HCN1: variants seen among roughly 807,000 people sequenced by gnomAD.
The protein encoded by HCN1 is potassium/sodium hyperpolarization-activated cyclic nucleotide-gated channel 1.
In HCN1, 13 loss-of-function variants were observed where a neutral mutation model predicts 78.9. That is an observed-to-expected ratio of 0.16 (90% CI 0.11 to 0.26). The LOEUF (loss-of-function observed/expected upper bound fraction) is 0.26, where lower values mean the gene tolerates loss of function less well. Among genes scored for constraint, HCN1 ranks in the 10% least tolerant of loss-of-function variants. The pLI, the probability that HCN1 is intolerant of heterozygous loss-of-function variation, is 1.00. For missense variants in HCN1, 810 were observed against 1,154.3 expected (o/e 0.70, Z 4.32); for synonymous variants, 552 against 455.5 (o/e 1.21, Z -2.70).
At chr5:45,394,513 T>A (rs558578475) in intron 4 of HCN1, among the ~76,000 whole-genome samples, 1 of 152,352 alleles carries the variant, frequency 6.6e-6, no homozygotes, top group Non-Finnish European at 1.5e-5. Context: ...AAACATATAC[T>A]TTTCATAAAA....
chr5:45,329,620 T>C (rs1746305296), intron 5 of HCN1, among the ~76,000 whole-genome samples: 1 of 151,454 alleles, frequency 6.6e-6, no homozygotes, highest in South Asian at 2.1e-4. Flanking sequence ...GATCATAGAA[T>C]AAATTATTTT....
At chr5:45,507,899 T>C (rs531700738) in intron 2 of HCN1, among the ~76,000 whole-genome samples, 2 of 152,238 alleles carry the variant, frequency 1.3e-5, no homozygotes, top group South Asian at 2.1e-4. Flanking sequence ...ATGATAAAAA[T>C]CATTACCTAT....
intron 2 of HCN1, chr5:45,575,305 C>T (rs1743916343): frequency 6.6e-6 from 1 of 151,918 alleles, no homozygotes; most frequent in South Asian, 2.1e-4. Context: ...TTCTAAGGTC[C>T]TTATTCTCAG....
intron 5 of HCN1, among the ~76,000 whole-genome samples, chr5:45,311,183 A>T (rs1745845656): frequency 6.6e-6 from 1 of 152,222 alleles, no homozygotes; most frequent in Non-Finnish European, 1.5e-5. Context: ...AAGTTAAAAA[A>T]TCTATAATTA....
chr5:45,690,765 T>C (rs1739895347), intron 1 of HCN1, among the ~76,000 whole-genome samples: 2 of 152,066 alleles, frequency 1.3e-5, no homozygotes, highest in Non-Finnish European at 2.9e-5. Flanking sequence ...GTTACTCCTT[T>C]ACACAAAATG....
chr5:45,271,794 C>T (rs993185571), intron 6 of HCN1, among the ~76,000 whole-genome samples: 7 of 151,880 alleles, frequency 4.6e-5, no homozygotes, highest in Non-Finnish European at 1.0e-4. Context: ...TGACATATTC[C>T]CCTACGGAGC....
At chr5:45,549,736 G>A (rs2111851565) in intron 2 of HCN1, among the ~76,000 whole-genome samples, 1 of 151,920 alleles carries the variant, frequency 6.6e-6, no homozygotes, top group South Asian at 2.1e-4. Flanking sequence ...GAAAATTTTT[G>A]CAATCTACTC....
intron 2 of HCN1, among the ~76,000 whole-genome samples, chr5:45,605,568 C>A (rs766987167): frequency 3.3e-5 from 5 of 151,426 alleles, no homozygotes; most frequent in African/African-American, 1.2e-4. Context: ...GTAATGTGGA[C>A]AGCATTATCA....
intron 5 of HCN1, among the ~76,000 whole-genome samples, chr5:45,324,320 C>A (rs1220282017): frequency 6.6e-6 from 1 of 151,870 alleles, no homozygotes; most frequent in Non-Finnish European, 1.5e-5. Flanking sequence ...AAAAAAACAA[C>A]CCCATCAAAA....
intron 2 of HCN1, chr5:45,575,159 A>G (rs1325076188): frequency 6.6e-6 from 1 of 152,176 alleles, no homozygotes; most frequent in Non-Finnish European, 1.5e-5. Context: ...GGAAAATGCC[A>G]TCTAGGAATT....
intron 5 of HCN1, among the ~76,000 whole-genome samples, chr5:45,306,764 T>C (rs896688620): frequency 2.0e-5 from 3 of 152,106 alleles, no homozygotes; most frequent in Non-Finnish European, 4.4e-5. Flanking sequence ...TTCAAATTAC[T>C]TATGGCACTT....
At chr5:45,397,898 T>C (rs1393522969) in intron 3 of HCN1, among the ~76,000 whole-genome samples, 1 of 151,716 alleles carries the variant, frequency 6.6e-6, no homozygotes, top group Non-Finnish European at 1.5e-5. Context: ...AACAACTTTA[T>C]TTTCAATGAT....
intron 3 of HCN1, among the ~76,000 whole-genome samples, chr5:45,457,837 TAA>T (rs1223197081): frequency 6.6e-6 from 1 of 152,082 alleles, no homozygotes; most frequent in Non-Finnish European, 1.5e-5. Flanking sequence ...CCTTCTCCAA[TAA>T]CAATATTAAC....
Position 45,378,999 on chromosome 5 carries a change from A to T in HCN1, c.1230+17493T>A, listed in dbSNP as rs553709218. Among the ~76,000 whole-genome samples, 7 of 152,016 alleles carry T rather than the reference A, an allele frequency of 4.6e-5. No individual in the cohort carries two copies. The South Asian group carries it at 1.5e-3, about 32-fold the overall frequency. Reference sequence around the variant, plus strand: ...GTATTCCATGGTGTATATGTGCCACATTTTCTTAATCCAGTCTATCATTGA... The same window carrying T: ...GTATTCCATGGTGTATATGTGCCACTTTTTCTTAATCCAGTCTATCATTGA... On this transcript the variant is annotated intron_variant, in intron 4 of 7. Coordinates refer to ENST00000303230, the MANE Select transcript of HCN1 (RefSeq NM_021072.4).
intron 3 of HCN1, among the ~76,000 whole-genome samples, chr5:45,434,430 CA>C (rs1740523390): frequency 6.6e-6 from 1 of 152,030 alleles, no homozygotes; most frequent in South Asian, 2.1e-4. Context: ...GCATGTTAGA[CA>C]AAGCTTATTC....
At chr5:45,689,406 T>C (rs1208556136) in intron 1 of HCN1, among the ~76,000 whole-genome samples, 1 of 152,104 alleles carries the variant, frequency 6.6e-6, no homozygotes, top group Non-Finnish European at 1.5e-5. Context: ...TAAGGTAGCA[T>C]GGTTTAAATT....
At chr5:45,530,172 C>T (rs1460564312) in intron 2 of HCN1, among the ~76,000 whole-genome samples, 1 of 152,004 alleles carries the variant, frequency 6.6e-6, no homozygotes, top group African/African-American at 2.4e-5. Context: ...GCTTTTGCTT[C>T]TCAGCTCTTT....
chr5:45,410,379 A>G (rs1341233419), intron 3 of HCN1, among the ~76,000 whole-genome samples: 1 of 151,974 alleles, frequency 6.6e-6, no homozygotes, highest in African/African-American at 2.4e-5. Context: ...GTACTGTCCA[A>G]TATTTCCATA....
At chr5:45,435,010 G>A (rs978467973) in intron 3 of HCN1, among the ~76,000 whole-genome samples, 12 of 151,880 alleles carry the variant, frequency 7.9e-5, no homozygotes, top group Non-Finnish European at 2.9e-5. Flanking sequence ...ACTAATTGAA[G>A]AGGGCACAAA....
Sources: allele counts gnomAD v4.1 joint callset (sites outside exome capture counted in the v4.1 genomes callset), GRCh38; gene constraint gnomAD v4.1.1; transcripts MANE v1.5; gene names NCBI Gene and HGNC (gene_info 2026-07-23, HGNC 2026-07-21).